Variants in DNER observed in about 807,000 individuals in gnomAD.
DNER encodes the protein delta/notch like EGF repeat containing, also known as delta and Notch-like epidermal growth factor-related receptor.
In DNER, 33 loss-of-function variants were observed where a neutral mutation model predicts 78.2. The ratio of observed to expected loss-of-function variants is 0.42; its 90% CI spans 0.32 to 0.56. The LOEUF is 0.56. Among genes scored for constraint, DNER ranks in the 20% least tolerant of loss-of-function variants. The pLI is 0.11. For missense variants in DNER, 918 were observed against 975.3 expected (o/e 0.94, Z 0.78); for synonymous variants, 417 against 384.8 (o/e 1.08, Z -0.98).
chr2:229,537,075 A>G (rs970173248), intron 5 of DNER, among the ~76,000 whole-genome samples: 12 of 152,140 alleles, frequency 7.9e-5, no homozygotes, highest in Non-Finnish European at 1.5e-4. Flanking sequence ...CGTGGTCCCC[A>G]GGCTGGCAGC....
At chr2:229,539,661 G>T (rs1410381148) in intron 5 of DNER, among the ~76,000 whole-genome samples, 2 of 152,032 alleles carry the variant, frequency 1.3e-5, no homozygotes, top group Non-Finnish European at 2.9e-5. Flanking sequence ...TTCTCGTCCC[G>T]TTGATAGACA....
intron 1 of DNER, among the ~76,000 whole-genome samples, chr2:229,684,296 T>C (rs1180390559): frequency 4.0e-5 from 6 of 151,112 alleles, no homozygotes; most frequent in Non-Finnish European, 8.8e-5. Flanking sequence ...GAGCATGAAA[T>C]TGATGATAGG....
chr2:229,596,439 C>T (rs1343486206), intron 1 of DNER, among the ~76,000 whole-genome samples: 2 of 152,226 alleles, frequency 1.3e-5, no homozygotes, highest in Non-Finnish European at 2.9e-5. Context: ...CCTGCAGCCT[C>T]AGCCTTGATG....
intron 1 of DNER, among the ~76,000 whole-genome samples, chr2:229,685,920 G>A (rs1699475209): frequency 6.6e-6 from 1 of 152,090 alleles, no homozygotes; most frequent in Admixed American, 6.5e-5. Context: ...CTTCAGGAGG[G>A]GAGGCTTAGT....
intron 1 of DNER, among the ~76,000 whole-genome samples, chr2:229,666,680 T>A (rs936978142): frequency 1.3e-5 from 2 of 152,182 alleles, no homozygotes; most frequent in Non-Finnish European, 2.9e-5. Flanking sequence ...TAACAGCTGT[T>A]TTACAGAAAG....
rs746302342 is a variant in DNER, at chr2:229,418,217, G to A, written c.1500C>T (p.Leu500=). 6 of 1,614,042 alleles carry A rather than the reference G, an allele frequency of 3.7e-6. No individual in the cohort carries two copies. The East Asian group carries it at 1.3e-4, about 36-fold the overall frequency. ...KCLCDPGYHG[L]YCEEEYNECL... ...ACTCATTATATTCCTCCTCACAGTA[G>A]AGGCCATGGTAACCTGAGGGACAGA... The change falls in exon 9 of 13, where the codon CTC becomes CTT. Residue 500 remains leucine (L), a synonymous_variant. Coordinates refer to ENST00000341772, the MANE Select transcript of DNER (RefSeq NM_139072.4).
intron 1 of DNER, among the ~76,000 whole-genome samples, chr2:229,656,114 AT>A (rs1307501161): frequency 3.3e-5 from 5 of 152,182 alleles, no homozygotes; most frequent in African/African-American, 4.8e-5. Flanking sequence ...GTGATAATGT[AT>A]TACTGCAGCC....
At chr2:229,674,654 G>A (rs1022636661) in intron 1 of DNER, among the ~76,000 whole-genome samples, 1 of 152,152 alleles carries the variant, frequency 6.6e-6, no homozygotes, top group East Asian at 1.9e-4. Flanking sequence ...CTGTTCCCTA[G>A]GGTCATCTCT....
chr2:229,592,746 T>C (rs1697631735), intron 1 of DNER, among the ~76,000 whole-genome samples: 1 of 152,218 alleles, frequency 6.6e-6, no homozygotes, highest in African/African-American at 2.4e-5. Flanking sequence ...GGTTCAGTCA[T>C]GTTCTCAGCA....
chr2:229,378,178 C>A (rs1692650779), intron 11 of DNER, among the ~76,000 whole-genome samples: 1 of 152,190 alleles, frequency 6.6e-6, no homozygotes, highest in African/African-American at 2.4e-5. Context: ...AGAAAGAAGA[C>A]AGCCCTGCTG....
chr2:229,428,352 A>G (rs928956160), intron 8 of DNER, among the ~76,000 whole-genome samples: 8 of 152,198 alleles, frequency 5.3e-5, no homozygotes, highest in African/African-American at 1.9e-4. Context: ...AGCCATTTAA[A>G]CAGTAAATAG....
At chr2:229,579,050 A>G (rs537527634) in intron 4 of DNER, among the ~76,000 whole-genome samples, 2 of 152,226 alleles carry the variant, frequency 1.3e-5, no homozygotes, top group East Asian at 3.9e-4. Flanking sequence ...AAATATCTCT[A>G]TTTCCAGTTG....
At chr2:229,532,238 C>T (rs964013963) in intron 5 of DNER, among the ~76,000 whole-genome samples, 1 of 152,004 alleles carries the variant, frequency 6.6e-6, no homozygotes, top group African/African-American at 2.4e-5. Flanking sequence ...AGGAAGGTTT[C>T]CTCCCCTTCT....
At chr2:229,605,885 C>G (rs1307677903) in intron 1 of DNER, among the ~76,000 whole-genome samples, 1 of 152,076 alleles carries the variant, frequency 6.6e-6, no homozygotes, top group African/African-American at 2.4e-5. Context: ...GAGCAAGACC[C>G]TGTCTCAAAA....
At chr2:229,583,303 T>TAG (rs780067868) in intron 4 of DNER, among the ~76,000 whole-genome samples, 1 of 152,218 alleles carries the variant, frequency 6.6e-6, no homozygotes, top group Non-Finnish European at 1.5e-5. Context: ...GCAAACCTCA[T>TAG]AGCTTAGCCT....
At chr2:229,581,252 T>C (rs1697391484) in intron 4 of DNER, among the ~76,000 whole-genome samples, 3 of 152,090 alleles carry the variant, frequency 2.0e-5, no homozygotes, top group Non-Finnish European at 2.9e-5. Context: ...GATACATATA[T>C]ATCCCATACT....
chr2:229,483,226 C>T (rs6705812), intron 6 of DNER, among the ~76,000 whole-genome samples: 19,018 of 152,100 alleles, frequency 0.13, 1,331 homozygotes, highest in South Asian at 0.2. Flanking sequence ...GTCCTCTGAG[C>T]GCCAACTGCA....
chr2:229,697,673 T>A lies in DNER; in HGVS notation c.276+16475A>T, dbSNP rs1393116583. Among the ~76,000 whole-genome samples the A allele has an allele frequency of 3.3e-5, 5 of 152,152 alleles. No individual in the cohort carries two copies. In the South Asian group the frequency reaches 6.2e-4, roughly 19 times the overall value. ...TCCTTTCTAGTCTAATGGACTGTGG[T>A]CAGAGGCCTAAGAATAGAATACAAG... On this transcript the variant is annotated intron_variant, in intron 1 of 12. Transcript: ENST00000341772.
intron 1 of DNER, among the ~76,000 whole-genome samples, chr2:229,701,004 T>A (rs191390707): frequency 6.6e-6 from 1 of 152,240 alleles, no homozygotes; most frequent in Non-Finnish European, 1.5e-5. Context: ...TGCATGCATA[T>A]AAAAGTATTT....
Sources: gnomAD v4.1 joint callset for allele counts (sites outside exome capture counted in the v4.1 genomes callset) on GRCh38, gnomAD v4.1.1 for gene constraint, MANE v1.5 for transcripts, NCBI Gene and HGNC (gene_info 2026-07-23, HGNC 2026-07-21) for gene names.